The following EYA4 variants were observed in gnomAD, a reference collection of about 807,000 sequenced individuals.
EYA4 encodes the protein EYA transcriptional coactivator and phosphatase 4.
A neutral mutation model predicts 87.9 loss-of-function variants in EYA4; 31 were observed. That is an observed-to-expected ratio of 0.35 (90% CI 0.27 to 0.48). The LOEUF is 0.48. Among genes scored for constraint, EYA4 ranks in the 20% least tolerant of loss-of-function variants. EYA4 has a pLI of 0.99. For synonymous variants in EYA4, 263 were observed against 270.6 expected, an observed-to-expected ratio of 0.97 and a Z score of 0.28; for missense variants, 678 against 761.4, an observed-to-expected ratio of 0.89 and a Z score of 1.29.
chr6:133,315,574 A>G (rs1174026533), intron 2 of EYA4, among the ~76,000 whole-genome samples: 2 of 152,188 alleles, frequency 1.3e-5, no homozygotes, highest in African/African-American at 4.8e-5. Context: ...AATGAGTGCA[A>G]GAAACGCGCC....
At position 133,328,880 on chromosome 6, in the gene EYA4, A is replaced by G. The variant is rs116631509; in HGVS notation, c.34-53512A>G. On this transcript the variant is annotated intron_variant, in intron 2 of 19. Coordinates refer to ENST00000355286, the MANE Select transcript of EYA4 (RefSeq NM_004100.5). ...CTTATAAAAATGGTACTGGATATTC[A>G]TGCAAAAGCTCCCATCTGATATTAA... Among the ~76,000 whole-genome samples, 281 of 152,276 alleles carry G rather than the reference A, an allele frequency of 1.8e-3. 1 individual carries two copies. Among genetic ancestry groups the G allele is most frequent in the African/African-American group, 6.5e-3 (269 of 41,584 alleles).
chr6:133,276,691 T>C (rs1333297009), intron 2 of EYA4, among the ~76,000 whole-genome samples: 1 of 152,136 alleles, frequency 6.6e-6, no homozygotes, highest in Non-Finnish European at 1.5e-5. Flanking sequence ...TGAATTTAAA[T>C]TTCAAACATG....
intron 2 of EYA4, among the ~76,000 whole-genome samples, chr6:133,328,564 A>G (rs1388649468): frequency 1.3e-5 from 2 of 152,184 alleles, no homozygotes; most frequent in African/African-American, 4.8e-5. Context: ...AGAATAAAAT[A>G]TATGTAGAAG....
intron 3 of EYA4, among the ~76,000 whole-genome samples, chr6:133,441,081 A>T (rs1481771864): frequency 6.6e-6 from 1 of 152,080 alleles, no homozygotes; most frequent in Non-Finnish European, 1.5e-5. Flanking sequence ...ACCATTACTT[A>T]TTCCAATATT....
At chr6:133,382,522 A>G (rs948542457) in intron 3 of EYA4, 81 bp downstream of exon 3, 10 of 948,174 alleles carry the variant, frequency 1.1e-5, no homozygotes, top group Admixed American at 3.4e-5. Flanking sequence ...CCTGAGACAC[A>G]ATTGTGATTT....
In EYA4 at chr6:133,394,681, A is replaced by G. The variant is rs186547543; in HGVS notation, c.83+12240A>G. Among the ~76,000 whole-genome samples the G allele has an allele frequency of 2.1e-3, 326 of 152,342 alleles. 1 individual carries two copies. Among genetic ancestry groups the G allele is most frequent in the South Asian group, 7.5e-3 (36 of 4,830 alleles). On this transcript the variant is annotated intron_variant, in intron 3 of 19. Transcript: ENST00000355286. ...AGTTTTAAATTCTAAGTGAAGGAAT[A>G]TATCGAAAATGTTTAACAAAGTACC...
chr6:133,307,301 T>C (rs1779886308), intron 2 of EYA4, among the ~76,000 whole-genome samples: 2 of 152,238 alleles, frequency 1.3e-5, no homozygotes, highest in African/African-American at 2.4e-5. Flanking sequence ...AAGTTAAACA[T>C]TATTGCATTT....
chr6:133,280,871 C>G (rs1486367880), intron 2 of EYA4, among the ~76,000 whole-genome samples: 1 of 152,118 alleles, frequency 6.6e-6, no homozygotes, highest in African/African-American at 2.4e-5. Context: ...CTCCCCATTC[C>G]CCCGATGAGC....
At chr6:133,475,301 A>G (rs576479272) in intron 11 of EYA4, among the ~76,000 whole-genome samples, 5 of 152,108 alleles carry the variant, frequency 3.3e-5, no homozygotes, top group Admixed American at 6.6e-5. Flanking sequence ...GTTTGAGGAC[A>G]GATTTGCACA....
intron 11 of EYA4, 53 bp from the exon 12 acceptor site, chr6:133,481,410 T>C: frequency 1.3e-6 from 2 of 1,540,218 alleles, no homozygotes; most frequent in Middle Eastern, 1.8e-4. Flanking sequence ...TGAAGACTCA[T>C]ACTTGATCTA....
intron 2 of EYA4, among the ~76,000 whole-genome samples, chr6:133,303,862 C>G (rs919568713): frequency 2.0e-5 from 3 of 152,066 alleles, no homozygotes; most frequent in African/African-American, 7.3e-5. Context: ...TCATATCACT[C>G]CTATGAAATT....
At chr6:133,465,636 G>T (rs974583078) in intron 10 of EYA4, among the ~76,000 whole-genome samples, 1 of 152,118 alleles carries the variant, frequency 6.6e-6, no homozygotes, top group Non-Finnish European at 1.5e-5. Context: ...TTTCAGCCAT[G>T]TTCGAAGTAG....
intron 3 of EYA4, among the ~76,000 whole-genome samples, chr6:133,445,826 C>G (rs375831099): frequency 2.0e-5 from 3 of 152,096 alleles, no homozygotes; most frequent in Non-Finnish European, 4.4e-5. Flanking sequence ...GTGATCCACT[C>G]GCCTCGGCCT....
chr6:133,493,791 A>T (rs1459817735), intron 13 of EYA4, among the ~76,000 whole-genome samples: 2 of 152,244 alleles, frequency 1.3e-5, no homozygotes, highest in African/African-American at 4.8e-5. Flanking sequence ...ATTTGAATAG[A>T]TATTTCTCAG....
At chr6:133,396,724 G>C (rs1787835180) in intron 3 of EYA4, among the ~76,000 whole-genome samples, 1 of 152,158 alleles carries the variant, frequency 6.6e-6, no homozygotes, top group East Asian at 1.9e-4. Flanking sequence ...GTGTGTGTCT[G>C]TGTGTATATG....
chr6:133,355,797 G>A (rs1243831852), intron 2 of EYA4, among the ~76,000 whole-genome samples: 1 of 151,948 alleles, frequency 6.6e-6, no homozygotes, highest in African/African-American at 2.4e-5. Context: ...AAAATAAGAG[G>A]GCATGCTTTT....
chr6:133,277,887 C>T (rs1226243176), intron 2 of EYA4, among the ~76,000 whole-genome samples: 2 of 152,198 alleles, frequency 1.3e-5, no homozygotes, highest in Non-Finnish European at 2.9e-5. Context: ...CAAAGCTATT[C>T]TTTTTGCTCG....
chr6:133,509,225 A>G (rs1199328106), intron 14 of EYA4, among the ~76,000 whole-genome samples: 2 of 152,104 alleles, frequency 1.3e-5, no homozygotes, highest in Admixed American at 6.6e-5. Context: ...CTTTCACACA[A>G]CTTTTTATTT....
intron 19 of EYA4, among the ~76,000 whole-genome samples, chr6:133,526,095 A>G (rs1212888479): frequency 6.6e-6 from 1 of 152,168 alleles, no homozygotes; most frequent in East Asian, 1.9e-4. Flanking sequence ...GGTTGGTTCA[A>G]CATCAAAAGA....
Sources: allele counts gnomAD v4.1 joint callset (sites outside exome capture counted in the v4.1 genomes callset), GRCh38; gene constraint gnomAD v4.1.1; transcripts MANE v1.5; gene names NCBI Gene and HGNC (gene_info 2026-07-23, HGNC 2026-07-21).